Variants in OTOGL observed in about 807,000 individuals in gnomAD.
OTOGL encodes the protein otogelin like, also known as otogelin-like protein.
A neutral mutation model predicts 318.5 loss-of-function variants in OTOGL; 285 were observed. The observed-to-expected ratio is 0.89, with a 90% CI of 0.81 to 0.99. The LOEUF is 0.99. Ranked by LOEUF, OTOGL falls within the 50% of genes least tolerant of loss-of-function variation. The probability of loss-of-function intolerance (pLI) is 0.00; values close to 1 mark genes in which losing one functional copy is unlikely to be tolerated. For synonymous variants in OTOGL, 987 were observed against 936.5 expected (o/e 1.05, Z -0.99); for missense variants, 2,899 against 2,845.6 (o/e 1.02, Z -0.43).
Position 80,253,485 on chromosome 12 carries a change from G to A in OTOGL, c.1305G>A (p.Gly435=). 1 of 1,613,006 alleles carries A rather than the reference G, an allele frequency of 6.2e-7. No homozygotes were observed. Among genetic ancestry groups the A allele is most frequent in the South Asian group, 1.1e-5 (1 of 91,054 alleles). Residue 435 remains glycine, a synonymous_variant, in exon 14 of 59, where the codon GGG becomes GGA. Transcript: ENST00000547103. ...YCPDGLVMDN[G]TCISLENCPC... ...AATTAGGCCTCGTAATGGACAATGG[G>A]ACTTGCATCTCCTTGGAAAATTGCC...
chr12:80,300,063 A>T (rs1478717474), intron 27 of OTOGL, among the ~76,000 whole-genome samples: 2 of 152,216 alleles, frequency 1.3e-5, no homozygotes, highest in African/African-American at 4.8e-5. Context: ...TGATAGAAAG[A>T]TGCTAAAAAG....
chr12:80,219,978 C>A lies in OTOGL; in HGVS notation c.334+66C>A, dbSNP rs1878148821. ...AAGGAGAAAATTAAGGCATAATTTG[C>A]TATAATAATGTTCATCCATTGGGAG... is the stretch of plus-strand genomic sequence containing the variant. On this transcript the variant is annotated intron_variant, in intron 6 of 58. Transcript: ENST00000547103. 2.5e-6 allele frequency: 3 copies of A among 1,187,992 alleles called. No individual in the cohort carries two copies. In the Admixed American group the frequency reaches 6.2e-5, roughly 25 times the overall value. The allele number at this position is 1,187,992 out of a possible 1,614,324, so 73.6% of individuals were successfully genotyped here. A position where few individuals can be genotyped will look rare whatever the true frequency, so the allele number is the denominator to read the frequency against.
intron 1 of OTOGL, among the ~76,000 whole-genome samples, chr12:80,172,541 G>A (rs904425288): frequency 6.6e-6 from 1 of 152,150 alleles, no homozygotes; most frequent in African/African-American, 2.4e-5. Flanking sequence ...GGGCAATGGG[G>A]AAGAGCATCG....
rs1316775761 is a variant in OTOGL, at chr12:80,209,540, A to T, written c.79+30A>T. The T allele has an allele frequency of 2.2e-6, 3 of 1,358,026 alleles. No homozygotes were observed. In the African/African-American group the frequency reaches 4.4e-5, roughly 20 times the overall value. 84.1% of individuals were successfully genotyped at this position (1,358,026 alleles called of 1,614,324 possible). On this transcript the variant is annotated intron_variant, in intron 2 of 58. Transcript: ENST00000547103. ...GAACTCAGATTAAATTTTTATGTTA[A>T]TTTATTGTATTTTTGTTTCTCTTAC...
At chr12:80,254,972 C>G in intron 15 of OTOGL, 68 bp from the exon 16 acceptor site, 15 of 1,232,916 alleles carry the variant, frequency 1.2e-5, no homozygotes, top group African/African-American at 1.6e-5. Flanking sequence ...ATGGTATCAT[C>G]CTCCTCTCTC....
At chr12:80,192,017 A>G (rs1414162260) in intron 1 of OTOGL, among the ~76,000 whole-genome samples, 1 of 152,250 alleles carries the variant, frequency 6.6e-6, no homozygotes, top group African/African-American at 2.4e-5. Flanking sequence ...TCGTATTTTC[A>G]TCTCAAGAAT....
At position 80,265,109 on chromosome 12, in the gene OTOGL, A is replaced by C. The variant is rs752369201; in HGVS notation, c.2123A>C (p.Lys708Thr). The C allele has an allele frequency of 5.6e-6, 9 of 1,613,776 alleles. No individual in the cohort carries two copies. Among genetic ancestry groups the C allele is most frequent in the Non-Finnish European group, 6.8e-6 (8 of 1,179,864 alleles). ...YYQLCRHDAC[K>T]CGSSCLCNAL... is the part of the protein sequence containing the mutation. ...CAGCTATGCCGCCACGATGCATGCA[A>C]GTGTGGAAGCTCCTGCCTGTGCAAT... The change falls in exon 20 of 59, where the codon AAG (lysine) becomes ACG (threonine). Residue 708 changes from lysine (K) to threonine (T), a missense_variant. This residue lies in a region of OTOGL where 2,607 missense variants were observed against 2,524.9 expected (regional missense o/e 1.03). Transcript: ENST00000547103.
intron 26 of OTOGL, among the ~76,000 whole-genome samples, chr12:80,287,691 C>T (rs1018016953): frequency 3.3e-5 from 5 of 151,974 alleles, no homozygotes; most frequent in Admixed American, 2.6e-4. Flanking sequence ...GGTTTAGAGT[C>T]TGTTTTATCA....
At position 80,327,917 on chromosome 12, in the gene OTOGL, C is replaced by G. The variant is rs185469596; in HGVS notation, c.4200-748C>G. Among the ~76,000 whole-genome samples, 754 of 132,120 alleles carry G rather than the reference C, an allele frequency of 5.7e-3. 31 individuals are homozygous for G. Among genetic ancestry groups the G allele is most frequent in the East Asian group, 3.3e-3 (14 of 4,276 alleles). 86.7% of individuals were successfully genotyped at this position (132,120 alleles called of 152,430 possible). On this transcript the variant is annotated intron_variant, in intron 35 of 58. Transcript: ENST00000547103. ...GAGATTGCAGTGAGCCGAGATCGCG[C>G]CACTGCACTCCAGCCTGGGTGACAG...
intron 1 of OTOGL, among the ~76,000 whole-genome samples, chr12:80,206,180 T>C (rs1876794834): frequency 6.6e-6 from 1 of 152,192 alleles, no homozygotes; most frequent in East Asian, 1.9e-4. Context: ...ACAGTAATAA[T>C]TACATGTAGC....
chr12:80,276,000 A>G (rs1466410478), intron 24 of OTOGL, among the ~76,000 whole-genome samples: 1 of 151,694 alleles, frequency 6.6e-6, no homozygotes, highest in Non-Finnish European at 1.5e-5. Flanking sequence ...TATTAACTTT[A>G]TTGCTGTGGT....
At position 80,378,144 on chromosome 12, in the gene OTOGL, T is replaced by A; in HGVS notation, c.*96T>A. 1.1e-6 allele frequency: 1 copy of A among 909,516 alleles called. No individual in the cohort carries two copies. The highest frequency in any genetic ancestry group is 1.6e-6 in the Non-Finnish European group (1 of 614,396). 56.3% of individuals were successfully genotyped at this position (909,516 alleles called of 1,614,324 possible). On this transcript the variant is annotated 3_prime_UTR_variant, in exon 59 of 59. Coordinates refer to ENST00000547103, the MANE Select transcript of OTOGL (RefSeq NM_001378609.3). ...AGGCATGTGGCAGATTTATGCTGTT[T>A]AACAATACTGTATTTTTCAGACTTG...
intron 17 of OTOGL, among the ~76,000 whole-genome samples, chr12:80,256,966 T>C (rs1054880678): frequency 3.9e-5 from 6 of 151,968 alleles, no homozygotes; most frequent in South Asian, 4.1e-4. Context: ...CAGAACTAAA[T>C]TGGTTTTGCT....
intron 1 of OTOGL, among the ~76,000 whole-genome samples, chr12:80,193,312 T>G (rs1875824778): frequency 6.6e-6 from 1 of 152,104 alleles, no homozygotes; most frequent in Non-Finnish European, 1.5e-5. Context: ...GGTCAGGAGT[T>G]CGAGACCAGT....
chr12:80,288,439 G>C (rs1396649022), intron 26 of OTOGL, among the ~76,000 whole-genome samples: 1 of 152,008 alleles, frequency 6.6e-6, no homozygotes, highest in African/African-American at 2.4e-5. Flanking sequence ...TTTGAATGTT[G>C]ACCTGTCCTG....
chr12:80,121,913 A>G (rs1565867697), intron 1 of OTOGL, among the ~76,000 whole-genome samples: 1 of 152,202 alleles, frequency 6.6e-6, no homozygotes, highest in Non-Finnish European at 1.5e-5. Flanking sequence ...CAAGAAATGC[A>G]CAGAGAAATG....
chr12:80,178,019 T>C (rs565183936), intron 1 of OTOGL, among the ~76,000 whole-genome samples: 20 of 151,654 alleles, frequency 1.3e-4, no homozygotes, highest in Non-Finnish European at 2.2e-4. Flanking sequence ...TTTAGTTTTT[T>C]TCTGTTTTTT....
At chr12:80,260,443 T>G (rs1882433970) in intron 18 of OTOGL, among the ~76,000 whole-genome samples, 1 of 152,106 alleles carries the variant, frequency 6.6e-6, no homozygotes, top group African/African-American at 2.4e-5. Flanking sequence ...TCTGTCTGCC[T>G]CTTTCTAAGG....
intron 29 of OTOGL, among the ~76,000 whole-genome samples, chr12:80,308,560 G>A (rs969430423): frequency 4.6e-5 from 7 of 152,090 alleles, no homozygotes; most frequent in East Asian, 1.9e-4. Context: ...CTTCCCAGAC[G>A]GGGTGGCGGC....
Sources: gnomAD v4.1 joint callset for allele counts (sites outside exome capture counted in the v4.1 genomes callset) on GRCh38, gnomAD v4.1.1 for gene constraint, gnomAD v4.1.1 regional missense constraint, MANE v1.5 for transcripts, NCBI Gene and HGNC (gene_info 2026-07-23, HGNC 2026-07-21) for gene names.